KCNG2: variants seen among roughly 807,000 people sequenced by gnomAD.
KCNG2 encodes voltage-gated potassium channel regulatory subunit KCNG2.
In KCNG2, 7 loss-of-function variants were observed where a neutral mutation model predicts 12.3. The ratio of observed to expected loss-of-function variants is 0.57; its 90% CI spans 0.32 to 1.07. KCNG2 has a LOEUF of 1.07. Among genes scored for constraint, KCNG2 ranks in the 50% least tolerant of loss-of-function variants. KCNG2 has a pLI of 0.04. For synonymous variants in KCNG2, 414 were observed against 351.4 expected (o/e 1.18, Z -1.99); for missense variants, 703 against 726.0 (o/e 0.97, Z 0.36).
At chr18:79,807,382 C>T (rs1218879140) in intron 1 of KCNG2, among the ~76,000 whole-genome samples, 1 of 152,170 alleles carries the variant, frequency 6.6e-6, no homozygotes, top group Non-Finnish European at 1.5e-5. Context: ...AGATGATGAG[C>T]CTTTCTGCTC....
At chr18:79,872,802 T>C (rs917499214) in intron 3 of KCNG2, among the ~76,000 whole-genome samples, 4 of 152,174 alleles carry the variant, frequency 2.6e-5, no homozygotes, top group African/African-American at 9.7e-5. Flanking sequence ...TGAGATTAAG[T>C]TGAATAATTT....
At chr18:79,832,300 A>T (rs1218429203) in intron 1 of KCNG2, among the ~76,000 whole-genome samples, 5 of 119,806 alleles carry the variant, frequency 4.2e-5, no homozygotes, top group African/African-American at 6.6e-5. Context: ...GCCCATCCTC[A>T]CTGTCCTTCC....
At chr18:79,829,342 T>C (rs1343433551) in intron 1 of KCNG2, among the ~76,000 whole-genome samples, 1 of 152,130 alleles carries the variant, frequency 6.6e-6, no homozygotes, top group East Asian at 1.9e-4. Flanking sequence ...GTGTCTTGTG[T>C]GTCTGTGTGT....
At chr18:79,801,502 C>A (rs1031683648) in intron 1 of KCNG2, among the ~76,000 whole-genome samples, 2 of 152,262 alleles carry the variant, frequency 1.3e-5, no homozygotes, top group African/African-American at 4.8e-5. Flanking sequence ...AGGGGACGCA[C>A]ATGCTGGGCC....
chr18:79,853,959 T>C (rs1452089479), intron 1 of KCNG2, among the ~76,000 whole-genome samples: 1 of 152,230 alleles, frequency 6.6e-6, no homozygotes, highest in African/African-American at 2.4e-5. Flanking sequence ...GGGTCCAGCC[T>C]GTGAAACAGC....
At chr18:79,798,824 G>A (rs937513835) in intron 1 of KCNG2, among the ~76,000 whole-genome samples, 6 of 152,190 alleles carry the variant, frequency 3.9e-5, no homozygotes, top group African/African-American at 7.2e-5. Context: ...GGGGGCGTCC[G>A]GCAGGTGAAC....
At chr18:79,867,272 G>A (rs975718507) in intron 3 of KCNG2, among the ~76,000 whole-genome samples, 4 of 151,898 alleles carry the variant, frequency 2.6e-5, no homozygotes, top group South Asian at 2.1e-4. Context: ...TGCCCCATCC[G>A]TCCTGTCCCA....
chr18:79,859,147 T>C (rs1568258921), intron 2 of KCNG2, among the ~76,000 whole-genome samples: 1 of 152,240 alleles, frequency 6.6e-6, no homozygotes, highest in Non-Finnish European at 1.5e-5. Flanking sequence ...GTCTCATCCA[T>C]GGTCATGAAG....
intron 1 of KCNG2, among the ~76,000 whole-genome samples, chr18:79,852,137 T>C (rs977389732): frequency 3.3e-5 from 5 of 152,124 alleles, no homozygotes; most frequent in Non-Finnish European, 7.4e-5. Flanking sequence ...GGGGCCGGAA[T>C]TGGGGGGATG....
chr18:79,883,677 G>A (rs1208779672), intron 3 of KCNG2, among the ~76,000 whole-genome samples: 1 of 152,196 alleles, frequency 6.6e-6, no homozygotes, highest in Non-Finnish European at 1.5e-5. Context: ...GGAGGGGCCT[G>A]TCTGGCAAAG....
At chr18:79,842,157 G>A (rs778453912) in intron 1 of KCNG2, among the ~76,000 whole-genome samples, 1 of 152,184 alleles carries the variant, frequency 6.6e-6, no homozygotes, top group Non-Finnish European at 1.5e-5. Flanking sequence ...GGCCTCTGCA[G>A]CCCAGGTACC....
rs529396371 is a variant in KCNG2, at chr18:79,812,674, A to C, written c.-115+14660A>C. ...CCCAGAGTTCAAGACCAAGCTGGCC[A>C]ACATGGCAAAACCTCATCTTTACTA... On this transcript the variant is annotated intron_variant, in intron 1 of 3. Coordinates refer to ENST00000316249, the MANE Select transcript of KCNG2 (RefSeq NM_012283.2). Among the ~76,000 whole-genome samples, 5 of 152,330 alleles carry C rather than the reference A, an allele frequency of 3.3e-5. No homozygotes were observed. In the East Asian group the frequency reaches 9.7e-4, roughly 29 times the overall value.
chr18:79,841,947 G>A (rs1296073464), intron 1 of KCNG2, among the ~76,000 whole-genome samples: 1 of 152,196 alleles, frequency 6.6e-6, no homozygotes, highest in Non-Finnish European at 1.5e-5. Context: ...CCACATGGAA[G>A]GAGAACGAAG....
intron 1 of KCNG2, among the ~76,000 whole-genome samples, chr18:79,853,036 C>G (rs372720380): frequency 6.6e-6 from 1 of 152,202 alleles, no homozygotes; most frequent in African/African-American, 2.4e-5. Context: ...TGCTGGACGC[C>G]GAGAGCATCC....
chr18:79,819,560 C>T (rs73970112), intron 1 of KCNG2, among the ~76,000 whole-genome samples: 2,961 of 152,290 alleles, frequency 0.019, 77 homozygotes, highest in African/African-American at 0.053. Context: ...ACAATGTTCA[C>T]GCCGCGGGGT....
At chr18:79,820,159 T>C (rs1266260372) in intron 1 of KCNG2, among the ~76,000 whole-genome samples, 4 of 152,224 alleles carry the variant, frequency 2.6e-5, no homozygotes, top group Non-Finnish European at 5.9e-5. Context: ...ATCATTTGGC[T>C]AATGGGACTG....
chr18:79,868,024 C>T (rs542390442), intron 3 of KCNG2, among the ~76,000 whole-genome samples: 102 of 152,320 alleles, frequency 6.7e-4, no homozygotes, highest in African/African-American at 2.3e-3. Flanking sequence ...CTTCCCCCGT[C>T]GTCCCCATGA....
rs111839466 is a variant in KCNG2 at position 79,858,734 on chromosome 18, G to GT, written c.-41+2292dup. Among the ~76,000 whole-genome samples the GT allele has an allele frequency of 2.0e-3, 307 of 149,970 alleles. 1 individual carries two copies. The highest frequency in any genetic ancestry group is 8.4e-3 in the East Asian group (43 of 5,114). ...CCACATCCTTTCCAACACTTGTTGG[G>GT]TTTTTTTTTTCCATTTGTTTGACTA... On this transcript the variant is annotated intron_variant, in intron 2 of 3. Transcript: ENST00000316249.
intron 1 of KCNG2, among the ~76,000 whole-genome samples, chr18:79,819,095 G>A (rs75047634): frequency 0.012 from 1,853 of 152,352 alleles, 11 homozygotes; most frequent in Non-Finnish European, 0.02. Context: ...AAAGAGCAGA[G>A]AGACTCGTTC....
Sources: gnomAD v4.1 joint callset for allele counts (sites outside exome capture counted in the v4.1 genomes callset) on GRCh38, gnomAD v4.1.1 for gene constraint, MANE v1.5 for transcripts, NCBI Gene and HGNC (gene_info 2026-07-23, HGNC 2026-07-21) for gene names.